The following USP3 variants were observed in gnomAD, a reference collection of about 807,000 sequenced individuals.
USP3 encodes the protein ubiquitin carboxyl-terminal hydrolase 3.
USP3 carries 20 observed loss-of-function variants against 72.3 expected under a neutral mutation model. The observed-to-expected ratio is 0.28, with a 90% confidence interval of 0.19 to 0.40. USP3 has a LOEUF of 0.40. USP3 is among the 10% of genes least tolerant of loss of function. USP3 has a pLI of 1.00. For missense variants in USP3, 479 were observed against 633.9 expected, an observed-to-expected ratio of 0.76 and a Z score of 2.62; for synonymous variants, 222 against 225.3, an observed-to-expected ratio of 0.99 and a Z score of 0.13.
intron 3 of USP3, 133 bp downstream of exon 3, chr15:63,537,289 A>G (rs2066172405): frequency 1.9e-6 from 2 of 1,081,034 alleles, no homozygotes; most frequent in East Asian, 2.9e-5. Context: ...TTCACGGAGG[A>G]CTGGAGCCAT....
chr15:63,567,515 T>G, intron 8 of USP3, among the ~76,000 whole-genome samples: 1 of 151,988 alleles, frequency 6.6e-6, no homozygotes, highest in East Asian at 1.9e-4. Context: ...CCCGGCTAAT[T>G]TTTTGTATTT....
intron 3 of USP3, among the ~76,000 whole-genome samples, chr15:63,547,572 T>TA (rs879489229): frequency 2.2e-4 from 33 of 149,096 alleles, no homozygotes; most frequent in South Asian, 8.5e-4. Context: ...ACTACAAAAG[T>TA]AAAAAAAAAT....
chr15:63,546,087 A>G (rs1305156353), intron 3 of USP3, among the ~76,000 whole-genome samples: 1 of 151,750 alleles, frequency 6.6e-6, no homozygotes, highest in African/African-American at 2.4e-5. Context: ...ACTTGGTCAT[A>G]TAATGTAGGT....
chr15:63,536,889 T>C, intron 2 of USP3, 136 bp from the exon 3 acceptor site: 1 of 950,758 alleles, frequency 1.1e-6, no homozygotes, highest in Non-Finnish European at 1.5e-6. Flanking sequence ...GTATTCAGTA[T>C]AATAAATCAC....
chr15:63,536,646 A>G (rs62011331), intron 2 of USP3, among the ~76,000 whole-genome samples: 18,602 of 151,910 alleles, frequency 0.12, 1,553 homozygotes, highest in South Asian at 0.19. Context: ...CAGGAGATCA[A>G]GACCATCCTG....
intron 11 of USP3, among the ~76,000 whole-genome samples, chr15:63,578,790 G>C (rs977179191): frequency 1.3e-5 from 2 of 152,124 alleles, no homozygotes; most frequent in Non-Finnish European, 2.9e-5. Flanking sequence ...GAGGAACAAG[G>C]CAATAAACTA....
At chr15:63,535,613 G>A (rs560673636) in intron 2 of USP3, among the ~76,000 whole-genome samples, 1 of 152,246 alleles carries the variant, frequency 6.6e-6, no homozygotes, top group Admixed American at 6.5e-5. Context: ...TTTTAGTACA[G>A]TTTTATGAAC....
At chr15:63,589,067 A>G in intron 14 of USP3, 56 bp downstream of exon 14, 1 of 1,588,692 alleles carries the variant, frequency 6.3e-7, no homozygotes, top group Non-Finnish European at 8.6e-7. Flanking sequence ...CAGCCCAATG[A>G]CCTGCAGTTT....
intron 3 of USP3, among the ~76,000 whole-genome samples, chr15:63,550,889 G>A (rs1056388336): frequency 8.5e-5 from 13 of 152,262 alleles, no homozygotes; most frequent in Middle Eastern, 6.8e-3. Flanking sequence ...AGGCGCGGTG[G>A]CTCACACCTG....
Position 63,533,276 on chromosome 15 carries a change from T to G in USP3, c.152+569T>G, listed in dbSNP as rs145342322. On this transcript the variant is annotated intron_variant, in intron 2 of 14. Transcript: ENST00000380324. ...GAAAATGATCTCATTGTGGAGTTCATTATTAATTCCTAAGATATACCAAAT... is the reference window on the plus strand; with the variant it reads ...GAAAATGATCTCATTGTGGAGTTCAGTATTAATTCCTAAGATATACCAAAT... Among the ~76,000 whole-genome samples, 157 of 152,320 alleles carry G rather than the reference T, an allele frequency of 1.0e-3. 1 individual carries two copies. The highest frequency in any genetic ancestry group is 3.6e-3 in the African/African-American group (148 of 41,576).
intron 11 of USP3, among the ~76,000 whole-genome samples, chr15:63,581,999 T>G (rs1252495763): frequency 1.3e-5 from 2 of 152,260 alleles, no homozygotes; most frequent in Non-Finnish European, 2.9e-5. Context: ...GTTTTAATAA[T>G]GGTTTTCTTT....
intron 1 of USP3, among the ~76,000 whole-genome samples, chr15:63,506,100 A>G (rs780291080): frequency 2.6e-5 from 4 of 152,222 alleles, no homozygotes; most frequent in Admixed American, 1.3e-4. Context: ...TTGCCTTTGT[A>G]AAGTCAGGTA....
chr15:63,577,292 T>C (rs1453681189), intron 11 of USP3, among the ~76,000 whole-genome samples: 1 of 152,212 alleles, frequency 6.6e-6, no homozygotes, highest in East Asian at 1.9e-4. Flanking sequence ...ACTGATTTAA[T>C]ACTAGAAATA....
intron 8 of USP3, among the ~76,000 whole-genome samples, chr15:63,568,404 T>C (rs1242085681): frequency 6.6e-6 from 1 of 152,096 alleles, no homozygotes; most frequent in African/African-American, 2.4e-5. Flanking sequence ...TGTTTTCTTT[T>C]CTCCTGTACT....
chr15:63,546,255 C>T (rs1046626097), intron 3 of USP3, among the ~76,000 whole-genome samples: 2 of 152,182 alleles, frequency 1.3e-5, no homozygotes, highest in African/African-American at 2.4e-5. Flanking sequence ...AAGGAGAAAT[C>T]GAGCTTTTTC....
At position 63,536,832 on chromosome 15, in the gene USP3, C is replaced by G. The variant is rs546319215; in HGVS notation, c.153-193C>G. On this transcript the variant is annotated intron_variant, in intron 2 of 14. Coordinates refer to ENST00000380324, the MANE Select transcript of USP3 (RefSeq NM_006537.4). ...TCGTGCCACTGCACTCCAGCCTGGG[C>G]AACAGAGCGAGACTCCGTCTCAAAA... Among the ~76,000 whole-genome samples the G allele has an allele frequency of 2.0e-5, 3 of 149,950 alleles. No homozygotes were observed. In the East Asian group the frequency reaches 5.9e-4, roughly 29 times the overall value.
At position 63,553,660 on chromosome 15, in the gene USP3, A is replaced by T. The variant is rs1428143097; in HGVS notation, c.285-55A>T. 6.5e-7 allele frequency: 1 copy of T among 1,533,468 alleles called. No individual in the cohort carries two copies. Among genetic ancestry groups the T allele is most frequent in the East Asian group, 2.4e-5 (1 of 42,020 alleles). The allele number at this position is 1,533,468 out of a possible 1,614,324, so 95.0% of individuals were successfully genotyped here. ...AACAGCCAGACCTTTTAGTGATTTC[A>T]TTACTGTGGTTTCCTCAAGCTCTTT... On this transcript the variant is annotated intron_variant, in intron 3 of 14. Transcript: ENST00000380324. This position sits in a 1 kb window ranked among gnomAD's most constrained non-coding sequence, Gnocchi z 4.2.
intron 1 of USP3, among the ~76,000 whole-genome samples, chr15:63,522,690 A>T (rs1468012072): frequency 6.6e-6 from 1 of 152,224 alleles, no homozygotes; most frequent in South Asian, 2.1e-4. Flanking sequence ...TTAGAAATTA[A>T]AATGTATTTC....
At chr15:63,507,237 C>T (rs1383703424) in intron 1 of USP3, among the ~76,000 whole-genome samples, 1 of 152,110 alleles carries the variant, frequency 6.6e-6, no homozygotes, top group Non-Finnish European at 1.5e-5. Context: ...AAGTAATGCC[C>T]TTGCCTTATT....
Sources: gnomAD v4.1 joint callset for allele counts (sites outside exome capture counted in the v4.1 genomes callset) on GRCh38, gnomAD v4.1.1 for gene constraint, Gnocchi (gnomAD v3.1) non-coding constraint, MANE v1.5 for transcripts, NCBI Gene and HGNC (gene_info 2026-07-23, HGNC 2026-07-21) for gene names.